The following ITIH2 variants were observed in gnomAD, a reference collection of about 807,000 sequenced individuals.
ITIH2 encodes the protein inter-alpha-trypsin inhibitor heavy chain 2.
Under a neutral mutation model 104.4 loss-of-function variants are expected in ITIH2, and 103 were observed. The observed-to-expected ratio is 0.99, with a 90% CI of 0.84 to 1.16. ITIH2 has a LOEUF of 1.16. Ranked by LOEUF, ITIH2 falls within the 50% of genes most tolerant of loss-of-function variation. The pLI, the probability that ITIH2 is intolerant of heterozygous loss-of-function variation, is 0.00. For synonymous variants in ITIH2, 436 were observed against 435.4 expected, an observed-to-expected ratio of 1.00 and a Z score of -0.02; for missense variants, 1,108 against 1,162.4, an observed-to-expected ratio of 0.95 and a Z score of 0.68.
At chr10:7,727,469 T>C (rs1352658401) in intron 10 of ITIH2, among the ~76,000 whole-genome samples, 3 of 152,218 alleles carry the variant, frequency 2.0e-5, no homozygotes, top group African/African-American at 7.2e-5. Context: ...GTCTGTGCTT[T>C]GAAAGGGCTA....
rs750855645 is a variant in ITIH2 at position 7,734,912 on chromosome 10, T to G, written c.1788-10T>G. 1.9e-6 allele frequency: 3 copies of G among 1,607,068 alleles called. No individual in the cohort carries two copies. Among genetic ancestry groups the G allele is most frequent in the Non-Finnish European group, 2.5e-6 (3 of 1,178,464 alleles). ...CCATGCTCCATAACACCTCTACTTC[T>G]TGAATACAGAAGCCTGGCTCCTACA... is the stretch of plus-strand genomic sequence containing the variant. On this transcript the variant is annotated splice_polypyrimidine_tract_variant and intron_variant, in intron 14 of 20. Coordinates refer to ENST00000358415, the MANE Select transcript of ITIH2 (RefSeq NM_002216.3).
chr10:7,717,753 T>A lies in ITIH2; in HGVS notation c.595T>A (p.Tyr199Asn). ...RKLGSYEHRIYLQPGRLAKHL... is the reference protein window; with the variant it reads ...RKLGSYEHRINLQPGRLAKHL... ...GCTGGGCTCCTATGAGCACAGGATC[T>A]ATCTGCAACCTGGACGGCTGGCCAA... Residue 199 changes from tyrosine to asparagine, a missense_variant, in exon 6 of 21, where the codon TAT becomes AAT. Physicochemically the swap from Tyr to Asn is moderately radical, Grantham distance 143 (BLOSUM62 -2). Transcript: ENST00000358415. The A allele has an allele frequency of 6.2e-7, 1 of 1,612,354 alleles. No individual in the cohort carries two copies.
intron 17 of ITIH2, among the ~76,000 whole-genome samples, chr10:7,743,862 G>C (rs1835149906): frequency 6.6e-6 from 1 of 151,598 alleles, no homozygotes; most frequent in Non-Finnish European, 1.5e-5. Context: ...TTTTATAACT[G>C]ATATAAAATT....
chr10:7,732,110 G>A, intron 13 of ITIH2, 114 bp downstream of exon 13: 2 of 926,618 alleles, frequency 2.2e-6, no homozygotes, highest in Non-Finnish European at 3.3e-6. Flanking sequence ...AGCAATCAGT[G>A]ATGGAGAAGG....
intron 4 of ITIH2, among the ~76,000 whole-genome samples, chr10:7,712,355 C>T: frequency 6.6e-6 from 1 of 152,134 alleles, no homozygotes; most frequent in East Asian, 1.9e-4. Flanking sequence ...GAGCCCTCTC[C>T]AAGGCCCCAC....
chr10:7,743,173 A>G lies in ITIH2; in HGVS notation c.2123A>G (p.Tyr708Cys). 1 of 1,576,450 alleles carries G rather than the reference A, an allele frequency of 6.3e-7. No homozygotes were observed. Among genetic ancestry groups the G allele is most frequent in the East Asian group, 2.3e-5 (1 of 43,744 alleles). ...RVENDPHFII[Y>C]LPKSQKNICF... ...GAAAATGACCCACATTTCATCATTT[A>G]TCTACCAAAAAGCCAAAAGAACATT... The change falls in exon 17 of 21, where the codon TAT becomes TGT. Residue 708 changes from tyrosine (Y) to cysteine (C), a missense_variant. Physicochemically the swap from Tyr to Cys is radical, Grantham distance 194 (BLOSUM62 -2). Transcript: ENST00000358415.
intron 15 of ITIH2, among the ~76,000 whole-genome samples, chr10:7,736,318 T>A (rs1835055209): frequency 6.6e-6 from 1 of 152,086 alleles, no homozygotes; most frequent in Non-Finnish European, 1.5e-5. Context: ...AGTGAGCCAA[T>A]CACACCACTG....
rs1588462764 is a variant in ITIH2, at chr10:7,746,018, T to C, written c.2582-575T>C. 4.1e-5 allele frequency among the ~76,000 whole-genome samples: 5 copies of C among 122,562 alleles called. No individual in the cohort carries two copies. In the South Asian group the frequency reaches 1.4e-3, roughly 34 times the overall value. 80.4% of individuals were successfully genotyped at this position (122,562 alleles called of 152,430 possible). ...ATCTGCCCACCTCGGCCTCCCAAAG[T>C]GCTGGGATTACAGGTGTGAGCCACC... On this transcript the variant is annotated intron_variant, in intron 19 of 20. Transcript: ENST00000358415.
intron 19 of ITIH2, among the ~76,000 whole-genome samples, chr10:7,746,075 A>ATT (rs1835175133): frequency 8.3e-6 from 1 of 120,606 alleles, no homozygotes; most frequent in African/African-American, 3.1e-5. Flanking sequence ...ATTTAAAAAA[A>ATT]AAAAAAAAAA....
intron 4 of ITIH2, among the ~76,000 whole-genome samples, 167 bp from the exon 5 acceptor site, chr10:7,713,014 G>T (rs1024315599): frequency 6.6e-6 from 1 of 152,126 alleles, no homozygotes; most frequent in African/African-American, 2.4e-5. Flanking sequence ...CAGCTACTCA[G>T]GGGGCTGAAG....
chr10:7,741,963 C>T (rs1275184572), intron 16 of ITIH2, among the ~76,000 whole-genome samples: 2 of 152,240 alleles, frequency 1.3e-5, no homozygotes, highest in Non-Finnish European at 2.9e-5. Context: ...TCAGAAGCCA[C>T]CTCCTCCATT....
chr10:7,747,174 C>T (rs767689465), intron 20 of ITIH2, among the ~76,000 whole-genome samples: 15 of 152,154 alleles, frequency 9.9e-5, no homozygotes, highest in East Asian at 1.9e-4. Context: ...AGAACTTAGA[C>T]GCTCATAACG....
In ITIH2 at chr10:7,732,551, C is replaced by A. The variant is rs906879435; in HGVS notation, c.1787+74C>A. ...TCCACCGTGAATATATGAAGTCATA[C>A]ACAAAAAGAGTTTGGAAGCAAGAAA... On this transcript the variant is annotated intron_variant, in intron 14 of 20. Transcript: ENST00000358415. The A allele has an allele frequency of 5.9e-6, 9 of 1,518,488 alleles. No homozygotes were observed. The African/African-American group carries it at 9.7e-5, about 16-fold the overall frequency. 94.1% of individuals were successfully genotyped at this position (1,518,488 alleles called of 1,614,324 possible). A position where few individuals can be genotyped will look rare whatever the true frequency, so the allele number is the denominator to read the frequency against.
In ITIH2 at chr10:7,717,695, C is replaced by T. The variant is rs779632535; in HGVS notation, c.537C>T (p.Phe179=). The change falls in exon 6 of 21, where the codon TTC becomes TTT. Residue 179 remains phenylalanine (F), a synonymous_variant. Transcript: ENST00000358415. The part of the protein sequence containing the change: ...VNVLPGAKVQ[F]ELHYQEVKWR... ...TCCTCCCAGGAGCAAAGGTGCAGTT[C>T]GAACTTCACTACCAGGAGGTGAAGT... The T allele has an allele frequency of 1.1e-5, 18 of 1,613,484 alleles. No individual in the cohort carries two copies. Among genetic ancestry groups the T allele is most frequent in the Admixed American group, 8.3e-5 (5 of 59,992 alleles).
chr10:7,746,068 TAAAAAAAAAAAA>T (rs372266950), intron 19 of ITIH2, among the ~76,000 whole-genome samples: 89 of 35,798 alleles, frequency 2.5e-3, no homozygotes, highest in Middle Eastern at 0.022. Context: ...ATCTTAAATT[TAAAAAAAAAAAA>T]AAAAAAAAAA....
In ITIH2 at chr10:7,707,185, TA is replaced by T; in HGVS notation, c.160-14del. 6.3e-7 allele frequency: 1 copy of T among 1,592,800 alleles called. No individual in the cohort carries two copies. Among genetic ancestry groups the T allele is most frequent in the Non-Finnish European group, 8.6e-7 (1 of 1,162,658 alleles). On this transcript the variant is annotated splice_polypyrimidine_tract_variant and intron_variant, in intron 2 of 20. Coordinates refer to ENST00000358415, the MANE Select transcript of ITIH2 (RefSeq NM_002216.3). Reference sequence around the variant, plus strand: ...GACATACAGTTGAAGAATGATTGTCTAACTTCCTTTCACAGAGAAGCCTTCC... The same window carrying T: ...GACATACAGTTGAAGAATGATTGTCTACTTCCTTTCACAGAGAAGCCTTCC...
intron 14 of ITIH2, among the ~76,000 whole-genome samples, chr10:7,734,286 G>C (rs762839577): frequency 6.6e-6 from 1 of 152,170 alleles, no homozygotes. Flanking sequence ...TTGATAGTGG[G>C]GAAGGCCGTG....
intron 6 of ITIH2, among the ~76,000 whole-genome samples, chr10:7,720,546 C>CAATGCA (rs1274973274): frequency 2.0e-5 from 3 of 152,086 alleles, no homozygotes; most frequent in Non-Finnish European, 4.4e-5. Context: ...AGAAGGAATT[C>CAATGCA]TTTTTTTCCC....
At chr10:7,704,210 C>T (rs1165723586) in intron 1 of ITIH2, among the ~76,000 whole-genome samples, 2 of 152,232 alleles carry the variant, frequency 1.3e-5, no homozygotes, top group East Asian at 3.8e-4. Context: ...GTTATGGGAA[C>T]ATCCCAGCAA....
Sources: gnomAD v4.1 joint callset for allele counts (sites outside exome capture counted in the v4.1 genomes callset) on GRCh38, gnomAD v4.1.1 for gene constraint, MANE v1.5 for transcripts, NCBI Gene and HGNC (gene_info 2026-07-23, HGNC 2026-07-21) for gene names.